Variants in ALDH3B2 observed in about 807,000 individuals in gnomAD.
ALDH3B2 encodes aldehyde dehydrogenase family 3 member B2.
Under a neutral mutation model 36.7 loss-of-function variants are expected in ALDH3B2, and 45 were observed. That is an observed-to-expected ratio of 1.23 (90% CI 0.97 to 1.57). The LOEUF is 1.57. Ranked by LOEUF, ALDH3B2 falls within the 40% of genes most tolerant of loss-of-function variation. The pLI, the probability that ALDH3B2 is intolerant of heterozygous loss-of-function variation, is 0.00. For missense variants in ALDH3B2, 464 were observed against 513.3 expected (o/e 0.90, Z 0.93); for synonymous variants, 217 against 226.5 (o/e 0.96, Z 0.38).
chr11:67,666,752 T>C, intron 3 of ALDH3B2, 58 bp from the exon 4 acceptor site: 1 of 1,610,434 alleles, frequency 6.2e-7, no homozygotes, highest in Non-Finnish European at 8.5e-7. Context: ...GCCCACCCAC[T>C]GCACACTTGG....
In ALDH3B2 at chr11:67,663,710, C is replaced by A; in HGVS notation, c.925G>T (p.Glu309Ter). 1 of 1,613,238 alleles carries A rather than the reference C, an allele frequency of 6.2e-7. No individual in the cohort carries two copies. The highest frequency in any genetic ancestry group is 8.5e-7 in the Non-Finnish European group (1 of 1,179,270). ...AGCAGAGATATGTAGGTGAAGCCCTCATTGCCTCCAAAGCTGCCGCTGCTG... is the reference window on the plus strand; with the variant it reads ...AGCAGAGATATGTAGGTGAAGCCCTAATTGCCTCCAAAGCTGCCGCTGCTG... Residue 309 changes from glutamate to a stop codon, truncating the protein, a stop_gained, in exon 9 of 10, where the codon GAG (glutamate) becomes TAG (stop). Transcript: ENST00000349015. LOFTEE classifies it low-confidence loss of function (END_TRUNC).
At chr11:67,673,997 C>T (rs1856205022) in intron 1 of ALDH3B2, among the ~76,000 whole-genome samples, 1 of 152,232 alleles carries the variant, frequency 6.6e-6, no homozygotes, top group South Asian at 2.1e-4. Context: ...AAAGATCCGA[C>T]TTTCGCTTCA....
At chr11:67,676,677 A>C (rs58272674), upstream of ALDH3B2, among the ~76,000 whole-genome samples, 1,879 of 149,694 alleles carry the variant, frequency 0.013, 50 homozygotes, top group Middle Eastern at 0.048. Context: ...GTTCTTTGAA[A>C]AGATAAATAA....
chr11:67,664,199 GT>G, intron 8 of ALDH3B2, 196 bp downstream of exon 8: 1 of 803,710 alleles, frequency 1.2e-6, no homozygotes, highest in African/African-American at 1.7e-5. Flanking sequence ...GACCCGCTAA[GT>G]GTCTGGTGGG....
intron 1 of ALDH3B2, among the ~76,000 whole-genome samples, chr11:67,672,541 A>G (rs1208512873): frequency 6.6e-6 from 1 of 151,854 alleles, no homozygotes; most frequent in Non-Finnish European, 1.5e-5. Flanking sequence ...TGCTGTCAGG[A>G]CATCCCCAGG....
chr11:67,665,897 C>A (rs1055775414), intron 6 of ALDH3B2, among the ~76,000 whole-genome samples: 2 of 152,128 alleles, frequency 1.3e-5, no homozygotes, highest in African/African-American at 2.4e-5. Flanking sequence ...TTCTCCTGGC[C>A]GGTCTGGCTC....
intron 1 of ALDH3B2, among the ~76,000 whole-genome samples, chr11:67,672,909 C>CTTTCT (rs201752224): frequency 1.3e-3 from 188 of 145,984 alleles, no homozygotes; most frequent in Middle Eastern, 7.6e-3. Flanking sequence ...AACTTTCTTT[C>CTTTCT]TTTCTTTTCT....
chr11:67,665,405 G>A lies in ALDH3B2; in HGVS notation c.586C>T (p.Gln196Ter), dbSNP rs748206299. The A allele has an allele frequency of 6.2e-7, 1 of 1,613,846 alleles. No individual in the cohort carries two copies. Among genetic ancestry groups the A allele is most frequent in the Non-Finnish European group, 8.5e-7 (1 of 1,179,888 alleles). The change falls in exon 7 of 10, where the codon CAG becomes TAG. Residue 196 changes from glutamine (Q) to a stop codon, truncating the protein, a stop_gained. Coordinates refer to ENST00000349015, the Ensembl canonical transcript of ALDH3B2. LOFTEE classifies it high-confidence loss of function. The stretch of plus-strand genomic sequence containing the variant: ...ATGTGGCCCAGGTTTGGGGAGCTCT[G>A]GGGGTCGTCGCCATAGAAACGGGTG...
At chr11:67,680,639 A>G (rs1412534464) in intron 1 of ALDH3B2, among the ~76,000 whole-genome samples, 1 of 151,506 alleles carries the variant, frequency 6.6e-6, no homozygotes, top group Non-Finnish European at 1.5e-5. Flanking sequence ...CTGGTCTCAA[A>G]CTCCTGGGCT....
chr11:67,665,480 A>G (rs1219168477), exon 7 of ALDH3B2: 1 of 1,614,054 alleles, frequency 6.2e-7, no homozygotes, highest in South Asian at 1.1e-5. Context: ...TCGGGGCTGC[A>G]CAGGACGTAG....
intron 1 of ALDH3B2, among the ~76,000 whole-genome samples, chr11:67,672,067 A>G (rs1591147793): frequency 1.2e-5 from 1 of 80,866 alleles, no homozygotes; most frequent in African/African-American, 5.5e-5. Context: ...ATATATATAT[A>G]TATATATATA....
At chr11:67,664,170 C>T (rs1452810821) in intron 8 of ALDH3B2, 3 of 667,532 alleles carry the variant, frequency 4.5e-6, no homozygotes, top group South Asian at 1.9e-5. Context: ...GCAGGCTGCT[C>T]TGGCCAGGAC....
At chr11:67,665,353 A>G (rs1309469606) in exon 7 of ALDH3B2, 1 of 1,613,262 alleles carries the variant, frequency 6.2e-7, no homozygotes, top group Non-Finnish European at 8.5e-7. Context: ...CAATGCCCGC[A>G]GCCGCTGGAA....
chr11:67,664,247 C>T (rs551001489), intron 8 of ALDH3B2, 149 bp downstream of exon 8: 32 of 1,256,132 alleles, frequency 2.5e-5, no homozygotes, highest in African/African-American at 4.4e-5. Context: ...ATCCTTGCGC[C>T]GGATGCAGTG....
chr11:67,673,930 T>C (rs1856203334), intron 1 of ALDH3B2: 1 of 152,238 alleles, frequency 6.6e-6, no homozygotes, highest in Admixed American at 6.5e-5. Context: ...TAAATGCGAA[T>C]GTAGTATTTC....
chr11:67,678,486 C>T (rs1008516999), upstream of ALDH3B2, among the ~76,000 whole-genome samples: 3 of 152,098 alleles, frequency 2.0e-5, no homozygotes, highest in Non-Finnish European at 4.4e-5. Context: ...GGATTAAGGA[C>T]TTAAACCCAA....
upstream of ALDH3B2, among the ~76,000 whole-genome samples, chr11:67,675,804 G>A (rs1350201414): frequency 6.6e-6 from 1 of 152,238 alleles, no homozygotes; most frequent in Non-Finnish European, 1.5e-5. Flanking sequence ...CCAAACCACT[G>A]AATTGTACAC....
chr11:67,670,427 G>T (rs1856076392), intron 1 of ALDH3B2, among the ~76,000 whole-genome samples: 1 of 152,188 alleles, frequency 6.6e-6, no homozygotes, highest in East Asian at 1.9e-4. Flanking sequence ...ACAGGGCCGT[G>T]CCCAGGGCTG....
At chr11:67,671,318 G>A (rs1170675095) in intron 1 of ALDH3B2, 1 of 152,300 alleles carries the variant, frequency 6.6e-6, no homozygotes, top group Non-Finnish European at 1.5e-5. Flanking sequence ...GGAGCCAGCA[G>A]CATCTGCCTG....
Sources: gnomAD v4.1 joint callset for allele counts (sites outside exome capture counted in the v4.1 genomes callset) on GRCh38, gnomAD v4.1.1 for gene constraint, MANE v1.5 for transcripts, NCBI Gene and HGNC (gene_info 2026-07-23, HGNC 2026-07-21) for gene names.